Variants in ADAM12 observed in about 807,000 individuals in gnomAD.
ADAM12 encodes the protein ADAM metallopeptidase domain 12.
ADAM12 carries 70 observed loss-of-function variants against 106.4 expected under a neutral mutation model. That is an observed-to-expected ratio of 0.66 (90% CI 0.54 to 0.80). The LOEUF (loss-of-function observed/expected upper bound fraction) is 0.80. ADAM12 is among the 30% of genes least tolerant of loss of function. ADAM12 has a pLI of 0.00. For missense variants in ADAM12, 1,010 were observed against 1,171.9 expected (o/e 0.86, Z 2.02); for synonymous variants, 420 against 433.5 (o/e 0.97, Z 0.39).
rs1319476602 is a variant in ADAM12, at chr10:126,195,490, G to T, written c.261-40185C>A. Among the ~76,000 whole-genome samples the T allele has an allele frequency of 3.9e-5, 6 of 152,178 alleles. No homozygotes were observed. The East Asian group carries it at 1.2e-3, about 29-fold the overall frequency. ...CTCGGGAAGTTGAGACAGGAGAATC[G>T]CTTGAACCCGGGAGGCAGAGGTTGC... On this transcript the variant is annotated intron_variant, in intron 3 of 22. Transcript: ENST00000448723.
chr10:126,252,765 G>A lies in ADAM12; in HGVS notation c.260+26150C>T, dbSNP rs192938163. On this transcript the variant is annotated intron_variant, in intron 3 of 22. Coordinates refer to ENST00000448723, the MANE Select transcript of ADAM12 (RefSeq NM_001288973.2). ...TACATCCATACATAATGCTTTACCC[G>A]CTTTCTCGGTGTCTGTTAACCCAGT... 5.9e-5 allele frequency among the ~76,000 whole-genome samples: 9 copies of A among 151,990 alleles called. No homozygotes were observed. In the South Asian group the frequency reaches 8.4e-4, roughly 14 times the overall value.
intron 1 of ADAM12, among the ~76,000 whole-genome samples, chr10:126,346,560 C>A (rs1297667366): frequency 1.3e-5 from 2 of 152,284 alleles, no homozygotes; most frequent in South Asian, 2.1e-4. Context: ...GAGCTGAGTT[C>A]AATCCCTGGA....
At chr10:126,384,255 C>T (rs375909597) in intron 1 of ADAM12, among the ~76,000 whole-genome samples, 7 of 152,124 alleles carry the variant, frequency 4.6e-5, no homozygotes, top group Admixed American at 6.5e-5. Flanking sequence ...GTAAAGAATA[C>T]GAGCTTGTAA....
intron 1 of ADAM12, among the ~76,000 whole-genome samples, chr10:126,376,981 G>T (rs1856316863): frequency 6.6e-6 from 1 of 152,208 alleles, no homozygotes; most frequent in African/African-American, 2.4e-5. Flanking sequence ...GGAAAATGGG[G>T]AAAGAAAAAG....
chr10:126,138,019 T>A (rs536688150), intron 4 of ADAM12, among the ~76,000 whole-genome samples: 1 of 152,220 alleles, frequency 6.6e-6, no homozygotes, highest in Non-Finnish European at 1.5e-5. Flanking sequence ...CCTGTGAGCA[T>A]TACACGAGGG....
rs757974038 is a variant in ADAM12, at chr10:126,049,385, G to A, written c.1785C>T (p.Ala595=). 5.1e-5 allele frequency: 82 copies of A among 1,614,078 alleles called. No homozygotes were observed. The Admixed American group carries it at 5.7e-4, about 11-fold the overall frequency. ...GASRPVIGTN[A]VSIETNIPLQ... ...GGGGGATGTTTGTTTCTATGGAAAC[G>A]GCATTGGTACCAATGACTGGCCGGC... Residue 595 remains alanine (A), a synonymous_variant, in exon 16 of 23, where the codon GCC becomes GCT. Transcript: ENST00000448723. The surrounding 1 kb of genome is among the most constrained non-coding windows in gnomAD (Gnocchi z 4.4).
At chr10:126,324,696 G>T (rs968146231) in intron 2 of ADAM12, among the ~76,000 whole-genome samples, 1 of 152,152 alleles carries the variant, frequency 6.6e-6, no homozygotes, top group African/African-American at 2.4e-5. Context: ...CAGGGGAGAA[G>T]GAAGATGACA....
intron 3 of ADAM12, among the ~76,000 whole-genome samples, chr10:126,172,807 C>T (rs1461871150): frequency 2.0e-5 from 3 of 152,186 alleles, no homozygotes; most frequent in Admixed American, 1.3e-4. Context: ...CACATGCACA[C>T]GTATGTTTAC....
In ADAM12 at chr10:126,043,543, G is replaced by A. The variant is rs1206509745; in HGVS notation, c.1996-395C>T. Among the ~76,000 whole-genome samples the A allele has an allele frequency of 4.6e-5, 7 of 152,138 alleles. No individual in the cohort carries two copies. Among genetic ancestry groups the A allele is most frequent in the Non-Finnish European group, 1.0e-4 (7 of 68,014 alleles). Reference sequence around the variant, plus strand: ...TTTGGGGCTACAGACCCAGAGCCCTGGGGCACCGCGGGACCTGACAGATGC... The same window carrying A: ...TTTGGGGCTACAGACCCAGAGCCCTAGGGCACCGCGGGACCTGACAGATGC... On this transcript the variant is annotated intron_variant, in intron 17 of 22. Transcript: ENST00000448723. This position sits in a 1 kb window ranked among gnomAD's most constrained non-coding sequence, Gnocchi z 4.1.
chr10:126,131,997 G>C (rs533334172), intron 5 of ADAM12, among the ~76,000 whole-genome samples: 1 of 127,378 alleles, frequency 7.9e-6, no homozygotes, highest in Non-Finnish European at 1.7e-5. Flanking sequence ...TTTTTTTTTA[G>C]TTGGAGTCTT....
chr10:126,032,812 A>AAAAC lies in ADAM12; in HGVS notation c.2529+3330_2529+3333dup, dbSNP rs533705089. 4.9e-4 allele frequency among the ~76,000 whole-genome samples: 74 copies of AAAAC among 152,330 alleles called. 1 individual carries two copies. In the South Asian group the frequency reaches 7.0e-3, roughly 14 times the overall value. ...CACCACCTTCCATGACTGCAAATCT[A>AAAAC]AAACAAATTAGAAAAACAAATGTAA... On this transcript the variant is annotated intron_variant, in intron 21 of 22. Transcript: ENST00000448723.
intron 1 of ADAM12, among the ~76,000 whole-genome samples, chr10:126,358,216 C>A (rs889149475): frequency 6.6e-6 from 1 of 151,298 alleles, no homozygotes; most frequent in African/African-American, 2.4e-5. Context: ...AGGCCAATAT[C>A]CTTGTTAAAC....
chr10:126,145,679 T>C (rs1956613402), intron 4 of ADAM12: 1 of 152,232 alleles, frequency 6.6e-6, no homozygotes, highest in African/African-American at 2.4e-5. Context: ...CTCAGTATTC[T>C]CATCTGGGTA....
At position 126,109,086 on chromosome 10, in the gene ADAM12, A is replaced by G. The variant is rs112267793; in HGVS notation, c.670-422T>C. ...AGCTCATGGCAGCTTGTCAAACAAT[A>G]CAGAGGAGAATAGACAAAAAAATCA... On this transcript the variant is annotated intron_variant, in intron 7 of 22. Coordinates refer to ENST00000448723, the MANE Select transcript of ADAM12 (RefSeq NM_001288973.2). Among the ~76,000 whole-genome samples, 553 of 152,366 alleles carry G rather than the reference A, an allele frequency of 3.6e-3. 7 individuals carry two copies. Among genetic ancestry groups the G allele is most frequent in the African/African-American group, 0.012 (489 of 41,584 alleles).
At chr10:126,297,133 C>T (rs1960417938) in intron 2 of ADAM12, among the ~76,000 whole-genome samples, 1 of 152,172 alleles carries the variant, frequency 6.6e-6, no homozygotes, top group Non-Finnish European at 1.5e-5. Flanking sequence ...TCAACAATTC[C>T]ACTTCTAAGA....
intron 2 of ADAM12, among the ~76,000 whole-genome samples, chr10:126,282,006 T>C (rs1397208336): frequency 3.3e-5 from 5 of 152,168 alleles, no homozygotes; most frequent in Non-Finnish European, 5.9e-5. Flanking sequence ...GCCCCCGTAT[T>C]AGTTTGGTGG....
chr10:126,311,540 G>T (rs1015460033), intron 2 of ADAM12, among the ~76,000 whole-genome samples: 7 of 152,200 alleles, frequency 4.6e-5, no homozygotes, highest in African/African-American at 1.2e-4. Flanking sequence ...CTCCTGGATG[G>T]GGGCTGGTCA....
chr10:126,318,134 G>C (rs1464154484), intron 2 of ADAM12, among the ~76,000 whole-genome samples: 1 of 152,036 alleles, frequency 6.6e-6, no homozygotes, highest in Non-Finnish European at 1.5e-5. Flanking sequence ...TTTAGGACAG[G>C]TACAGGAAAT....
chr10:126,121,122 G>GTATATATAGTATATATAGTA (rs1565073944), intron 5 of ADAM12, among the ~76,000 whole-genome samples: 408 of 29,582 alleles, frequency 0.014, 20 homozygotes, highest in East Asian at 0.048. Flanking sequence ...TATATATATA[G>GTATATATAGTATATATAGTA]TATATATACT....
Sources: gnomAD v4.1 joint callset for allele counts (sites outside exome capture counted in the v4.1 genomes callset) on GRCh38, gnomAD v4.1.1 for gene constraint, Gnocchi (gnomAD v3.1) non-coding constraint, MANE v1.5 for transcripts, NCBI Gene and HGNC (gene_info 2026-07-23, HGNC 2026-07-21) for gene names.